The following OOSP4A variants were observed in gnomAD, a reference collection of about 807,000 sequenced individuals.
OOSP4A encodes oocyte-secreted protein 4A.
chr11:59,967,135 A>G (rs1393951551), exon 3 of OOSP4A: 1 of 398,110 alleles, frequency 2.5e-6, no homozygotes, highest in Non-Finnish European at 4.4e-6. Flanking sequence ...ACTTCAATTT[A>G]CACATCCCAG....
intron 4 of OOSP4A, among the ~76,000 whole-genome samples, 174 bp downstream of exon 4, chr11:59,969,458 C>A (rs1854134337): frequency 6.6e-6 from 1 of 152,156 alleles, no homozygotes; most frequent in African/African-American, 2.4e-5. Context: ...TATATTTTAT[C>A]TTGGCATTTC....
chr11:59,970,238 A>T, downstream of OOSP4A: 1 of 393,846 alleles, frequency 2.5e-6, no homozygotes, highest in Non-Finnish European at 4.5e-6. Flanking sequence ...GATATTTTTA[A>T]ATGAAAAAAC....
chr11:59,966,969 TAAA>T lies in OOSP4A; in HGVS notation c.247-95_247-93del, dbSNP rs1590564323. On this transcript the variant is annotated intron_variant, in intron 2 of 4. Transcript: ENST00000645590. The stretch of plus-strand genomic sequence containing the variant: ...TTATTTCATAAAGTAAAAATAAAAG[TAAA>T]AATTATTTTGTTTTTAATCTATATT... The T allele has an allele frequency of 1.8e-5, 7 of 390,166 alleles. No individual in the cohort carries two copies. The East Asian group carries it at 2.5e-4, about 14-fold the overall frequency. 24.2% of individuals were successfully genotyped at this position (390,166 alleles called of 1,614,324 possible). A position where few individuals can be genotyped will look rare whatever the true frequency, so the allele number is the denominator to read the frequency against.
At chr11:59,967,994 T>G (rs1430125430) in intron 3 of OOSP4A, among the ~76,000 whole-genome samples, 1 of 152,224 alleles carries the variant, frequency 6.6e-6, no homozygotes, top group Non-Finnish European at 1.5e-5. Context: ...TAACAGCATC[T>G]TTGGTCCTTC....
At chr11:59,967,367 T>C (rs1044767556) in intron 3 of OOSP4A, among the ~76,000 whole-genome samples, 1 of 152,192 alleles carries the variant, frequency 6.6e-6, no homozygotes, top group East Asian at 1.9e-4. Flanking sequence ...TGAGGCTCAG[T>C]TGTTATATGA....
intron 3 of OOSP4A, among the ~76,000 whole-genome samples, chr11:59,967,415 A>G (rs1251148120): frequency 6.6e-6 from 1 of 152,142 alleles, no homozygotes; most frequent in Non-Finnish European, 1.5e-5. Flanking sequence ...ATTATGTCAG[A>G]AAGTTTTTGT....
chr11:59,965,388 C>T, intron 1 of OOSP4A, 147 bp from the exon 2 acceptor site: 1 of 394,832 alleles, frequency 2.5e-6, no homozygotes, highest in South Asian at 1.4e-4. Flanking sequence ...CCCAAGATCT[C>T]CCAGTGGAAA....
chr11:59,966,360 T>G (rs1590563927), intron 2 of OOSP4A, among the ~76,000 whole-genome samples: 1 of 152,158 alleles, frequency 6.6e-6, no homozygotes, highest in East Asian at 1.9e-4. Flanking sequence ...AGTCTAGTAT[T>G]TGGCAAGTAC....
intron 4 of OOSP4A, among the ~76,000 whole-genome samples, 177 bp downstream of exon 4, chr11:59,969,461 G>T (rs965901319): frequency 6.6e-6 from 1 of 152,062 alleles, no homozygotes; most frequent in Admixed American, 6.6e-5. Context: ...ATTTTATCTT[G>T]GCATTTCTCA....
rs192889858 is a variant in OOSP4A, at chr11:59,964,651, A to C, written c.67+552A>C. On this transcript the variant is annotated intron_variant, in intron 1 of 4. Coordinates refer to ENST00000645590, the Ensembl canonical transcript of OOSP4A. ...ATGTGTAAATATGGGATAATAATAA[A>C]ATTGACCATAGAAATGTACTGAAAA... is the stretch of plus-strand genomic sequence containing the variant. 1.6e-3 allele frequency among the ~76,000 whole-genome samples: 245 copies of C among 152,280 alleles called. 1 individual carries two copies. The highest frequency in any genetic ancestry group is 5.6e-3 in the African/African-American group (233 of 41,548).
Position 59,967,108 on chromosome 11 carries a change from T to A in OOSP4A, c.288T>A (p.Tyr96Ter). 2 of 398,262 alleles carry A rather than the reference T, an allele frequency of 5.0e-6. No homozygotes were observed. The highest frequency in any genetic ancestry group is 8.9e-6 in the Non-Finnish European group (2 of 225,864). 24.7% of individuals were successfully genotyped at this position (398,262 alleles called of 1,614,324 possible). A position where few individuals can be genotyped will look rare whatever the true frequency, so the allele number is the denominator to read the frequency against. The change falls in exon 3 of 5, where the codon TAT becomes TAA. Residue 96 changes from tyrosine (Y) to a stop codon, truncating the protein, a stop_gained. Coordinates refer to ENST00000645590, the Ensembl canonical transcript of OOSP4A. LOFTEE classifies it high-confidence loss of function. ...TTCTCATTGAAAGTTTAATTGTATATGAACCAACGAATTTTGACTTCAATT... is the reference window on the plus strand; with the variant it reads ...TTCTCATTGAAAGTTTAATTGTATAAGAACCAACGAATTTTGACTTCAATT...
At position 59,964,656 on chromosome 11, in the gene OOSP4A, A is replaced by G. The variant is rs76050229; in HGVS notation, c.67+557A>G. Among the ~76,000 whole-genome samples the G allele has an allele frequency of 9.5e-3, 1,449 of 152,270 alleles. 22 individuals are homozygous for G. Among genetic ancestry groups the G allele is most frequent in the African/African-American group, 0.032 (1,343 of 41,540 alleles). ...TAAATATGGGATAATAATAAAATTG[A>G]CCATAGAAATGTACTGAAAATGAAG... On this transcript the variant is annotated intron_variant, in intron 1 of 4. Coordinates refer to ENST00000645590, the Ensembl canonical transcript of OOSP4A.
At chr11:59,969,490 C>G (rs1231238095) in intron 4 of OOSP4A, among the ~76,000 whole-genome samples, 1 of 152,130 alleles carries the variant, frequency 6.6e-6, no homozygotes, top group Admixed American at 6.6e-5. Context: ...TTACATAAAA[C>G]AGATTTGCAA....
At chr11:59,969,243 T>C (rs905404392) in exon 4 of OOSP4A, 5 of 398,668 alleles carry the variant, frequency 1.3e-5, no homozygotes, top group African/African-American at 1.0e-4. Context: ...CACTATCACA[T>C]GAACTTGAAG....
intron 3 of OOSP4A, among the ~76,000 whole-genome samples, chr11:59,968,849 G>A: frequency 6.6e-6 from 1 of 152,216 alleles, no homozygotes; most frequent in East Asian, 1.9e-4. Context: ...GATGATTAGA[G>A]ATAAGAGCTG....
chr11:59,964,153 T>C, intron 1 of OOSP4A, 54 bp downstream of exon 1: 1 of 387,710 alleles, frequency 2.6e-6, no homozygotes, highest in Non-Finnish European at 4.6e-6. Context: ...CAGGGCTTTT[T>C]TTTTTTTTTT....
At chr11:59,969,207 CAGA>C (rs909870106) in exon 4 of OOSP4A, 5 of 398,764 alleles carry the variant, frequency 1.3e-5, no homozygotes, top group Admixed American at 8.8e-5. Context: ...GTCGTGAATG[CAGA>C]AGGTCAGTGG....
At chr11:59,969,508 C>T (rs909997041) in intron 4 of OOSP4A, among the ~76,000 whole-genome samples, 1 of 152,092 alleles carries the variant, frequency 6.6e-6, no homozygotes, top group Non-Finnish European at 1.5e-5. Flanking sequence ...CAATTGTAAC[C>T]TCAATAGTTC....
At chr11:59,969,255 C>T in exon 4 of OOSP4A, 1 of 398,718 alleles carries the variant, frequency 2.5e-6, no homozygotes, top group Middle Eastern at 6.3e-4. Context: ...AACTTGAAGA[C>T]TTGGAAATCC....
Sources: allele counts gnomAD v4.1 joint callset (sites outside exome capture counted in the v4.1 genomes callset), GRCh38; gene constraint gnomAD v4.1.1; transcripts MANE v1.5; gene names NCBI Gene and HGNC (gene_info 2026-07-23, HGNC 2026-07-21).